The following ELP1 variants were observed in gnomAD, a reference collection of about 807,000 sequenced individuals.
ELP1 encodes elongator acetyltransferase complex subunit 1, also known as elongator complex protein 1.
ELP1 carries 131 observed loss-of-function variants against 183.2 expected under a neutral mutation model. That is an observed-to-expected ratio of 0.72 (90% CI 0.62 to 0.83). The LOEUF is 0.83. Ranked by LOEUF, ELP1 falls within the 40% of genes least tolerant of loss-of-function variation. ELP1 has a pLI of 0.00. For synonymous variants in ELP1, 555 were observed against 569.0 expected (o/e 0.98, Z 0.35); for missense variants, 1,550 against 1,594.9 (o/e 0.97, Z 0.48).
Position 108,932,434 on chromosome 9 carries a change from C to T in ELP1, c.-55-1233G>A, listed in dbSNP as rs145301428. 3.9e-3 allele frequency among the ~76,000 whole-genome samples: 599 copies of T among 152,216 alleles called. 5 individuals are homozygous for T. Among genetic ancestry groups the T allele is most frequent in the African/African-American group, 0.014 (576 of 41,526 alleles). On this transcript the variant is annotated intron_variant, in intron 1 of 36. Transcript: ENST00000374647. ...TCGGCTCACCGCAACATCTGCCTCC[C>T]GGGTTCAAGCGATTCTCCTGCCTCA... is the stretch of plus-strand genomic sequence containing the variant.
chr9:108,891,943 A>G (rs1210650581), intron 27 of ELP1, among the ~76,000 whole-genome samples: 1 of 152,196 alleles, frequency 6.6e-6, no homozygotes, highest in African/African-American at 2.4e-5. Flanking sequence ...GAGGAGTAAC[A>G]GGACGGCCAG....
At position 108,868,911 on chromosome 9, in the gene ELP1, T is replaced by A. The variant is rs1827332459; in HGVS notation, c.*204A>T. 3 of 630,052 alleles carry A rather than the reference T, an allele frequency of 4.8e-6. No individual in the cohort carries two copies. The African/African-American group carries it at 5.5e-5, about 11-fold the overall frequency. 39.0% of individuals were successfully genotyped at this position (630,052 alleles called of 1,614,324 possible). On this transcript the variant is annotated 3_prime_UTR_variant, in exon 37 of 37. Transcript: ENST00000374647. ...GTGCCATAATGGTTAAAGCTTAATG[T>A]CTTGCTAATGATCAAGATGTATACA...
intron 3 of ELP1, among the ~76,000 whole-genome samples, 169 bp downstream of exon 3, chr9:108,929,600 A>G (rs1447172391): frequency 6.6e-6 from 1 of 152,258 alleles, no homozygotes; most frequent in Non-Finnish European, 1.5e-5. Context: ...GAATCTTAAC[A>G]TATAGATAAA....
Position 108,911,122 on chromosome 9 carries a change from G to C in ELP1, c.1248C>G (p.Tyr416Ter), listed in dbSNP as rs1564095399. The C allele has an allele frequency of 6.2e-7, 1 of 1,614,144 alleles. No individual in the cohort carries two copies. Among genetic ancestry groups the C allele is most frequent in the East Asian group, 2.2e-5 (1 of 44,880 alleles). ...QTVVPPPMCTYQLLFPHPVNQ... is the reference protein window; with the variant it reads ...QTVVPPPMCT ...TCACAGGGTGTGGGAACAGCAGTTG[G>C]TAGGTGCACATGGGAGGCGGAACCA... The change falls in exon 12 of 37, where the codon TAC becomes TAG. Residue 416 changes from tyrosine to a stop codon, truncating the protein, a stop_gained. Transcript: ENST00000374647. LOFTEE classifies it high-confidence loss of function.
rs530739117 is a variant in ELP1 at position 108,888,804 on chromosome 9, C to T, written c.3222+528G>A. On this transcript the variant is annotated intron_variant, in intron 29 of 36. Coordinates refer to ENST00000374647, the MANE Select transcript of ELP1 (RefSeq NM_003640.5). ...GCAATAATCCCTGGTGTCAACTGTG[C>T]ACCTGTGTACTGTTAGTCTGTGGCC... Among the ~76,000 whole-genome samples, 10 of 152,286 alleles carry T rather than the reference C, an allele frequency of 6.6e-5. No individual in the cohort carries two copies. In the South Asian group the frequency reaches 1.9e-3, roughly 28 times the overall value.
intron 36 of ELP1, among the ~76,000 whole-genome samples, chr9:108,872,383 T>G (rs1827489582): frequency 6.6e-6 from 1 of 152,162 alleles, no homozygotes; most frequent in Admixed American, 6.5e-5. Context: ...TTTACATTTC[T>G]CTCCACTAAA....
intron 16 of ELP1, among the ~76,000 whole-genome samples, chr9:108,902,537 T>A (rs1828850092): frequency 6.6e-6 from 1 of 152,248 alleles, no homozygotes. Flanking sequence ...ATTCTCAAGA[T>A]CACATTTCTG....
intron 3 of ELP1, among the ~76,000 whole-genome samples, chr9:108,928,563 C>T (rs1829893311): frequency 1.3e-5 from 2 of 152,088 alleles, no homozygotes; most frequent in Admixed American, 6.5e-5. Flanking sequence ...TTTACGTACA[C>T]ACAGGAACAA....
chr9:108,904,217 A>G (rs1828932549), intron 14 of ELP1, among the ~76,000 whole-genome samples: 1 of 151,548 alleles, frequency 6.6e-6, no homozygotes, highest in Non-Finnish European at 1.5e-5. Flanking sequence ...TTTTTCCCTG[A>G]GTCAATGGAG....
intron 27 of ELP1, 70 bp downstream of exon 27, chr9:108,892,916 G>A (rs1171902423): frequency 2.0e-6 from 2 of 1,023,898 alleles, no homozygotes; most frequent in African/African-American, 1.6e-5. Flanking sequence ...TATGAACTTA[G>A]GATCCTCACT....
At chr9:108,908,242 T>G (rs1829089465) in intron 13 of ELP1, 63 bp downstream of exon 13, 10 of 1,219,638 alleles carry the variant, frequency 8.2e-6, no homozygotes, top group Admixed American at 3.4e-5. Context: ...ATCAGATGGC[T>G]GAATTTAGGA....
At position 108,897,183 on chromosome 9, in the gene ELP1, A is replaced by C. The variant is rs1299382058; in HGVS notation, c.2466T>G (p.Ala822=). 2.5e-6 allele frequency: 4 copies of C among 1,614,176 alleles called. No individual in the cohort carries two copies. Among genetic ancestry groups the C allele is most frequent in the Non-Finnish European group, 3.4e-6 (4 of 1,180,036 alleles). The change falls in exon 23 of 37, where the codon GCT becomes GCG. Residue 822 remains alanine, a synonymous_variant. Transcript: ENST00000374647. ...TTATGCTCTCCATGACTGCTCTCAT[A>C]GCATCGCAGACAAGGTCTATTTTAT... is the stretch of plus-strand genomic sequence containing the variant. ...DGNKIDLVCD[A]MRAVMESINP...
intron 3 of ELP1, among the ~76,000 whole-genome samples, chr9:108,928,817 G>C (rs1423484732): frequency 6.6e-6 from 1 of 152,140 alleles, no homozygotes; most frequent in African/African-American, 2.4e-5. Flanking sequence ...TGACAAGTTT[G>C]ATATTTCCCA....
chr9:108,878,117 GAA>G lies in ELP1; in HGVS notation c.3731_3732del (p.Phe1244SerfsTer3). ...DEVYHILKVL[F>X]LFEFDEQGRE... Reference sequence around the variant, plus strand: ...CTTCCTTGTTCATCAAACTCAAAGAGAAAGAGTACCTTTAAAATATGGTATAC... The same window carrying G: ...CTTCCTTGTTCATCAAACTCAAAGAGAGAGTACCTTTAAAATATGGTATAC... On this transcript the variant is annotated frameshift_variant, in exon 35 of 37. Transcript: ENST00000374647. LOFTEE classifies it high-confidence loss of function. 1 of 1,611,424 alleles carries G rather than the reference GAA, an allele frequency of 6.2e-7. No individual in the cohort carries two copies. Among genetic ancestry groups the G allele is most frequent in the Non-Finnish European group, 8.5e-7 (1 of 1,177,582 alleles).
chr9:108,900,822 C>T (rs1471570422), intron 18 of ELP1, among the ~76,000 whole-genome samples: 3 of 120,018 alleles, frequency 2.5e-5, no homozygotes, highest in Non-Finnish European at 3.5e-5. Flanking sequence ...CACACATACA[C>T]GCCACACACA....
Position 108,896,981 on chromosome 9 carries a change from A to C in ELP1, c.2559T>G (p.Ile853Met). 4 of 1,614,146 alleles carry C rather than the reference A, an allele frequency of 2.5e-6. No individual in the cohort carries two copies. Among genetic ancestry groups the C allele is most frequent in the Non-Finnish European group, 3.4e-6 (4 of 1,179,994 alleles). ...GAAGCTCGTGTACTTTTTGCAGTAC[A>C]ATTTCCAGTTCTGGGGTTGTCTTCT... ...HVKKTTPELE[I>M]VLQKVHELQG... is the part of the protein sequence containing the mutation. Residue 853 changes from isoleucine (I) to methionine (M), a missense_variant, in exon 24 of 37, where the codon ATT becomes ATG. By Grantham distance (10) the Ile-to-Met change is conservative. Transcript: ENST00000374647.
At position 108,868,564 on chromosome 9, in the gene ELP1, C is replaced by A; in HGVS notation, c.*551G>T. ...ACATTGTAATTATAGGAGGCTCAGC[C>A]CAGTTATAACTGAAAGCACATGACC... On this transcript the variant is annotated 3_prime_UTR_variant, in exon 37 of 37. Coordinates refer to ENST00000374647, the MANE Select transcript of ELP1 (RefSeq NM_003640.5). The A allele has an allele frequency of 2.3e-6, 1 of 432,632 alleles. No individual in the cohort carries two copies. The highest frequency in any genetic ancestry group is 3.3e-5 in the East Asian group (1 of 30,108). The allele number at this position is 432,632 out of a possible 1,614,324, so 26.8% of individuals were successfully genotyped here.
chr9:108,897,327 T>C (rs1828597458), intron 22 of ELP1, 42 bp from the exon 23 acceptor site: 5 of 1,610,884 alleles, frequency 3.1e-6, no homozygotes, highest in Middle Eastern at 3.6e-4. Flanking sequence ...ACAGAACATG[T>C]AGCCCAGCGA....
chr9:108,927,474 AAG>A (rs1391876136), intron 3 of ELP1, 21 bp from the exon 4 acceptor site: 5 of 1,591,950 alleles, frequency 3.1e-6, no homozygotes, highest in Non-Finnish European at 4.3e-6. Flanking sequence ...GAAAATTGAA[AAG>A]AGAGATTCAA....
Sources: allele counts gnomAD v4.1 joint callset (sites outside exome capture counted in the v4.1 genomes callset), GRCh38; gene constraint gnomAD v4.1.1; transcripts MANE v1.5; gene names NCBI Gene and HGNC (gene_info 2026-07-23, HGNC 2026-07-21).